NBPF8: variants seen among roughly 807,000 people sequenced by gnomAD.
NBPF8 encodes the protein NBPF member 8.
intron 3 of NBPF8, among the ~76,000 whole-genome samples, chr1:120,431,043 A>G (rs1660860488): frequency 1.3e-5 from 2 of 150,064 alleles, no homozygotes; most frequent in Non-Finnish European, 3.0e-5. Context: ...TAAAATAGCA[A>G]TATTATAAAA....
At chr1:120,415,362 G>C (rs1660400937), upstream of NBPF8, among the ~76,000 whole-genome samples, 1 of 151,624 alleles carries the variant, frequency 6.6e-6, no homozygotes. Context: ...CGCAAGTTTT[G>C]TTGCGAGCGA....
intron 3 of NBPF8, among the ~76,000 whole-genome samples, chr1:120,428,678 A>G (rs1442564980): frequency 2.6e-5 from 4 of 152,192 alleles, no homozygotes; most frequent in Admixed American, 2.6e-4. Flanking sequence ...CTCTGGGGCC[A>G]TGCGGTCTGT....
intron 16 of NBPF8, among the ~76,000 whole-genome samples, chr1:120,457,027 T>A (rs1297369704): frequency 7.9e-5 from 12 of 151,636 alleles, no homozygotes; most frequent in African/African-American, 9.7e-5. Flanking sequence ...TATGAAGCTT[T>A]GTTTGGCTGG....
At chr1:120,430,752 C>CAAA (rs1160946903) in intron 3 of NBPF8, among the ~76,000 whole-genome samples, 15 of 41,090 alleles carry the variant, frequency 3.7e-4, no homozygotes, top group South Asian at 1.9e-3. Context: ...GACTCTGTCT[C>CAAA]AAAAAAAAAA....
intron 2 of NBPF8, among the ~76,000 whole-genome samples, chr1:120,426,333 TC>T (rs1428700363): frequency 1.3e-5 from 2 of 151,068 alleles, no homozygotes; most frequent in East Asian, 3.9e-4. Flanking sequence ...CTTCATCTTC[TC>T]CAACCAGCCA....
rs1397013412 is a variant in NBPF8 at position 120,427,858 on chromosome 1, A to G, written n.510+11A>G. Among the ~76,000 whole-genome samples the G allele has an allele frequency of 1.3e-5, 2 of 148,430 alleles. No homozygotes were observed. The highest frequency in any genetic ancestry group is 5.0e-5 in the African/African-American group (2 of 40,106). On this transcript the variant is annotated intron_variant and non_coding_transcript_variant, in intron 3 of 28. Transcript: ENST00000652355. Reference sequence around the variant, plus strand: ...AGCCTATGGATCAAGGTGCGTACTCAAACACAGAGAGCTTTCTGAAAGATG... The same window carrying G: ...AGCCTATGGATCAAGGTGCGTACTCGAACACAGAGAGCTTTCTGAAAGATG...
At chr1:120,431,586 C>G (rs1553247070), upstream of NBPF8, among the ~76,000 whole-genome samples, 1 of 151,460 alleles carries the variant, frequency 6.6e-6, no homozygotes, top group Non-Finnish European at 1.5e-5. Flanking sequence ...TGAGATACCA[C>G]TACATATCCA....
chr1:120,429,538 TGGC>T (rs1660816011), intron 3 of NBPF8, among the ~76,000 whole-genome samples: 2 of 152,126 alleles, frequency 1.3e-5, no homozygotes, highest in Non-Finnish European at 2.9e-5. Context: ...TCTAGAGACA[TGGC>T]GGGAGGGATT....
intron 14 of NBPF8, among the ~76,000 whole-genome samples, chr1:120,453,698 A>G (rs2101681852): frequency 6.6e-6 from 1 of 150,826 alleles, no homozygotes; most frequent in East Asian, 2.0e-4. Context: ...AGTGCAATGA[A>G]CAGCAGCTGC....
At chr1:120,430,532 AT>A (rs1323194179) in intron 3 of NBPF8, among the ~76,000 whole-genome samples, 2 of 122,410 alleles carry the variant, frequency 1.6e-5, no homozygotes, top group Non-Finnish European at 3.4e-5. Context: ...AGGTGGGCAG[AT>A]CATGAGGTCA....
upstream of NBPF8, chr1:120,434,108 C>A (rs1475507510): frequency 6.5e-6 from 1 of 153,006 alleles, no homozygotes; most frequent in Admixed American, 6.6e-5. Context: ...GTCGCTGCTG[C>A]TGGGGCCGCC....
chr1:120,454,097 C>A (rs1553249390), exon 15 of NBPF8: 1 of 1,612,878 alleles, frequency 6.2e-7, no homozygotes, highest in South Asian at 1.1e-5. Flanking sequence ...TGGGAGGATG[C>A]TGTACACATT....
intron 22 of NBPF8, 38 bp from the exon 21 acceptor site, chr1:120,464,338 T>A (rs1232753571): frequency 3.9e-6 from 3 of 766,608 alleles, no homozygotes; most frequent in Non-Finnish European, 7.0e-6. Flanking sequence ...GTGTCTGATT[T>A]CCCCTGGCGT....
At chr1:120,431,359 AATATATATATATATATATATAT>A (rs869036983), upstream of NBPF8, among the ~76,000 whole-genome samples, 163 of 42,054 alleles carry the variant, frequency 3.9e-3, 3 homozygotes, top group Non-Finnish European at 5.8e-3. Context: ...CCAAATAGGG[AATATATATATATATATATATAT>A]ATATATATAT....
chr1:120,466,279 A>T, exon 25 of NBPF8: 1 of 1,594,294 alleles, frequency 6.3e-7, no homozygotes, highest in Non-Finnish European at 8.6e-7. Flanking sequence ...TAGGCGCCTG[A>T]AGATTTGAAT....
intron 16 of NBPF8, among the ~76,000 whole-genome samples, chr1:120,456,802 C>T (rs1396808854): frequency 4.0e-5 from 6 of 151,530 alleles, no homozygotes; most frequent in Non-Finnish European, 5.9e-5. Flanking sequence ...TTGATCCTGT[C>T]GTTATGATGT....
At chr1:120,415,686 C>T (rs1660416237), upstream of NBPF8, among the ~76,000 whole-genome samples, 1 of 152,142 alleles carries the variant, frequency 6.6e-6, no homozygotes, top group African/African-American at 2.4e-5. Flanking sequence ...AAGTTGGGGT[C>T]TTTATTGGCC....
At chr1:120,465,929 G>A in intron 24 of NBPF8, 49 bp from the exon 23 acceptor site, 15 of 1,611,720 alleles carry the variant, frequency 9.3e-6, no homozygotes, top group Non-Finnish European at 1.0e-5. Flanking sequence ...GGGGCTCTGT[G>A]GTGTCTGATT....
At chr1:120,431,359 A>AATATATAT (rs869036983), upstream of NBPF8, among the ~76,000 whole-genome samples, 68 of 42,010 alleles carry the variant, frequency 1.6e-3, 1 homozygote, top group African/African-American at 2.0e-3. Flanking sequence ...CCAAATAGGG[A>AATATATAT]ATATATATAT....
Sources: gnomAD v4.1 joint callset for allele counts (sites outside exome capture counted in the v4.1 genomes callset) on GRCh38, gnomAD v4.1.1 for gene constraint, MANE v1.5 for transcripts, NCBI Gene and HGNC (gene_info 2026-07-23, HGNC 2026-07-21) for gene names.